The following ROBO2 variants were observed in gnomAD, a reference collection of about 807,000 sequenced individuals.
The protein encoded by ROBO2 is roundabout homolog 2.
ROBO2 carries 53 observed loss-of-function variants against 160.8 expected under a neutral mutation model. That is an observed-to-expected ratio of 0.33 (90% CI 0.26 to 0.41). ROBO2 has a LOEUF of 0.41. ROBO2 is among the 10% of genes least tolerant of loss of function. The pLI is 1.00. For synonymous variants in ROBO2, 664 were observed against 611.7 expected (o/e 1.09, Z -1.26); for missense variants, 1,577 against 1,722.4 (o/e 0.92, Z 1.49).
At chr3:77,472,358 T>A (rs989753550) in intron 2 of ROBO2, among the ~76,000 whole-genome samples, 1 of 152,168 alleles carries the variant, frequency 6.6e-6, no homozygotes, top group Non-Finnish European at 1.5e-5. Flanking sequence ...AACCAGTTCA[T>A]AGGAGAGTGT....
intron 2 of ROBO2, among the ~76,000 whole-genome samples, chr3:77,126,714 T>A (rs184922058): frequency 0.013 from 1,799 of 137,674 alleles, 40 homozygotes; most frequent in African/African-American, 0.045. Flanking sequence ...ATATATATAT[T>A]TTTTTTCCTT....
At chr3:76,132,394 T>TGG (rs11457451) in intron 2 of ROBO2, among the ~76,000 whole-genome samples, 424 of 32,174 alleles carry the variant, frequency 0.013, 9 homozygotes, top group Non-Finnish European at 0.056. Flanking sequence ...TCCAGACTGT[T>TGG]GGGGGGGGGG....
At chr3:77,358,420 C>T (rs1032957765) in intron 2 of ROBO2, among the ~76,000 whole-genome samples, 10 of 152,194 alleles carry the variant, frequency 6.6e-5, no homozygotes, top group African/African-American at 9.6e-5. Context: ...ATTTTATCTG[C>T]GACAAACTTA....
intron 2 of ROBO2, among the ~76,000 whole-genome samples, chr3:77,200,552 TC>T (rs2082812244): frequency 6.6e-6 from 1 of 151,490 alleles, no homozygotes; most frequent in African/African-American, 2.4e-5. Flanking sequence ...AGGCTGAGGG[TC>T]CCATGAACAG....
chr3:76,945,672 A>C (rs2078487946), intron 2 of ROBO2, among the ~76,000 whole-genome samples: 1 of 152,144 alleles, frequency 6.6e-6, no homozygotes, highest in South Asian at 2.1e-4. Context: ...ATAAATTTTA[A>C]CTGCCATGTC....
chr3:76,584,080 G>A (rs1417723478), intron 2 of ROBO2, among the ~76,000 whole-genome samples: 1 of 152,088 alleles, frequency 6.6e-6, no homozygotes, highest in Non-Finnish European at 1.5e-5. Context: ...TGATGCACCT[G>A]TTTACTCAAA....
intron 5 of ROBO2, among the ~76,000 whole-genome samples, chr3:77,512,009 C>A (rs1400847892): frequency 6.6e-6 from 1 of 151,924 alleles, no homozygotes; most frequent in African/African-American, 2.4e-5. Flanking sequence ...ATTCACCTCA[C>A]CCAAACTGTG....
intron 2 of ROBO2, among the ~76,000 whole-genome samples, chr3:76,698,881 A>G (rs932742190): frequency 6.6e-6 from 1 of 152,190 alleles, no homozygotes; most frequent in Non-Finnish European, 1.5e-5. Context: ...TTGTGATAAA[A>G]ATGGAATTTA....
intron 2 of ROBO2, among the ~76,000 whole-genome samples, chr3:77,413,692 C>T (rs1360307495): frequency 3.9e-5 from 6 of 152,208 alleles, no homozygotes; most frequent in South Asian, 2.1e-4. Flanking sequence ...AAATCAAAAC[C>T]GTGAGGATTC....
At chr3:77,223,896 A>G (rs1396305327) in intron 2 of ROBO2, among the ~76,000 whole-genome samples, 2 of 151,944 alleles carry the variant, frequency 1.3e-5, no homozygotes, top group African/African-American at 4.8e-5. Context: ...TTGTTCTATA[A>G]GTAGCTGCAT....
chr3:76,128,061 A>G (rs552624406), intron 2 of ROBO2, among the ~76,000 whole-genome samples: 2 of 151,852 alleles, frequency 1.3e-5, no homozygotes, highest in African/African-American at 4.8e-5. Context: ...ATGCCCAGCT[A>G]ATTTTTGCAT....
chr3:76,118,380 C>T (rs1215876726), intron 2 of ROBO2, among the ~76,000 whole-genome samples: 8 of 152,154 alleles, frequency 5.3e-5, no homozygotes, highest in Admixed American at 5.2e-4. Flanking sequence ...AATTCATATA[C>T]ATACTTTGAA....
intron 2 of ROBO2, among the ~76,000 whole-genome samples, chr3:76,303,730 T>G (rs1414321541): frequency 6.6e-6 from 1 of 152,210 alleles, no homozygotes; most frequent in Admixed American, 6.5e-5. Context: ...TCTGCTTAAT[T>G]TTTTAATGGA....
At chr3:77,473,436 T>C (rs2083578937) in intron 2 of ROBO2, among the ~76,000 whole-genome samples, 1 of 138,092 alleles carries the variant, frequency 7.2e-6, no homozygotes, top group Non-Finnish European at 1.5e-5. Context: ...TTTTACAAAC[T>C]GCTCTTTTTT....
chr3:77,635,108 T>A (rs2095241597), intron 24 of ROBO2, 65 bp downstream of exon 25: 1 of 1,532,014 alleles, frequency 6.5e-7, no homozygotes, highest in Non-Finnish European at 8.9e-7. Flanking sequence ...ATCATTTACT[T>A]AGATTAATGT....
At chr3:76,868,783 C>CAA (rs139597082) in intron 2 of ROBO2, among the ~76,000 whole-genome samples, 56 of 149,876 alleles carry the variant, frequency 3.7e-4, no homozygotes, top group Non-Finnish European at 6.5e-4. Flanking sequence ...AATAGGAACT[C>CAA]AAAAAAAAAG....
intron 2 of ROBO2, among the ~76,000 whole-genome samples, chr3:76,625,603 G>A (rs1422507671): frequency 2.6e-5 from 4 of 152,118 alleles, no homozygotes; most frequent in African/African-American, 9.7e-5. Context: ...GGCTAAAAAA[G>A]GAAGTAAAGG....
chr3:76,912,115 C>G (rs2076028857), intron 2 of ROBO2, among the ~76,000 whole-genome samples: 1 of 152,132 alleles, frequency 6.6e-6, no homozygotes, highest in African/African-American at 2.4e-5. Flanking sequence ...ATCCCATTTT[C>G]TTATGCTGAT....
At chr3:76,965,152 G>A (rs1026483601) in intron 2 of ROBO2, among the ~76,000 whole-genome samples, 1 of 152,212 alleles carries the variant, frequency 6.6e-6, no homozygotes, top group Admixed American at 6.5e-5. Flanking sequence ...AGTGGTAGAA[G>A]AGAAATGGAA....
Sources: allele counts gnomAD v4.1 joint callset (sites outside exome capture counted in the v4.1 genomes callset), GRCh38; gene constraint gnomAD v4.1.1; transcripts MANE v1.5; gene names NCBI Gene and HGNC (gene_info 2026-07-23, HGNC 2026-07-21).